Variants in DSE observed in about 807,000 individuals in gnomAD.
DSE encodes dermatan sulfate epimerase, also known as dermatan-sulfate epimerase.
DSE carries 36 observed loss-of-function variants against 84.4 expected under a neutral mutation model. The ratio of observed to expected loss-of-function variants is 0.43; its 90% confidence interval spans 0.33 to 0.56. The LOEUF (loss-of-function observed/expected upper bound fraction) is 0.56, where lower values mean the gene tolerates loss of function less well. Among genes scored for constraint, DSE ranks in the 20% least tolerant of loss-of-function variants. The pLI is 0.06. For synonymous variants in DSE, 410 were observed against 430.1 expected (o/e 0.95, Z 0.58); for missense variants, 862 against 1,169.6 (o/e 0.74, Z 3.84).
intron 2 of DSE, among the ~76,000 whole-genome samples, chr6:116,347,199 G>T (rs1778028924): frequency 6.6e-6 from 1 of 152,078 alleles, no homozygotes; most frequent in African/African-American, 2.4e-5. Flanking sequence ...ACTGTCCAAG[G>T]TAATTTATAG....
chr6:116,435,128 C>T (rs1784066904), intron 5 of DSE, among the ~76,000 whole-genome samples: 1 of 152,108 alleles, frequency 6.6e-6, no homozygotes, highest in Non-Finnish European at 1.5e-5. Context: ...AGGGAGAACT[C>T]TTTTCAATAC....
chr6:116,258,077 G>A (rs1019254387), intron 1 of DSE, among the ~76,000 whole-genome samples: 7 of 152,212 alleles, frequency 4.6e-5, no homozygotes, highest in African/African-American at 1.7e-4. Flanking sequence ...GGAGTGCAGT[G>A]GCAAGATCTT....
intron 2 of DSE, among the ~76,000 whole-genome samples, chr6:116,350,555 A>G (rs1778245771): frequency 1.3e-5 from 2 of 152,292 alleles, no homozygotes; most frequent in East Asian, 1.9e-4. Flanking sequence ...GACCATCATT[A>G]CCCCATTAAT....
In DSE at chr6:116,348,285, G is replaced by A. The variant is rs145560119; in HGVS notation, c.-53-50913G>A. 3.6e-3 allele frequency among the ~76,000 whole-genome samples: 551 copies of A among 152,290 alleles called. 7 individuals carry two copies. Among genetic ancestry groups the A allele is most frequent in the African/African-American group, 0.012 (511 of 41,564 alleles). ...TACTAAAAATTAAAAAAATTAGCCA[G>A]GCATGGTGGCTGGCGCCTGTAGTCC... On this transcript the variant is annotated intron_variant, in intron 2 of 3. Coordinates refer to the DSE transcript ENST00000430252.
At chr6:116,372,925 T>A (rs1779692553) in intron 1 of DSE, among the ~76,000 whole-genome samples, 1 of 152,180 alleles carries the variant, frequency 6.6e-6, no homozygotes, top group Admixed American at 6.5e-5. Context: ...GGAAGAGTTA[T>A]TTTTCATTGA....
intron 2 of DSE, among the ~76,000 whole-genome samples, chr6:116,263,239 G>A (rs1304554766): frequency 6.6e-6 from 1 of 152,172 alleles, no homozygotes; most frequent in East Asian, 1.9e-4. Context: ...ATGTGTAGGA[G>A]TCTACGTCTC....
In DSE at chr6:116,279,162, C is replaced by A. The variant is rs771047555; in HGVS notation, c.-54+20195C>A. ...GAGGGTCCATGCGGAGAGCCTCATG[C>A]AAAGGCCAGGGCCCTTCTTCCTCCC... On this transcript the variant is annotated intron_variant, in intron 2 of 3. Transcript: ENST00000430252. 3 of 1,613,668 alleles carry A rather than the reference C, an allele frequency of 1.9e-6. No homozygotes were observed. The East Asian group carries it at 6.7e-5, about 36-fold the overall frequency.
rs549483464 is a variant in DSE, at chr6:116,414,323, A to G, written c.417-12251A>G. 3.3e-5 allele frequency among the ~76,000 whole-genome samples: 5 copies of G among 151,770 alleles called. No homozygotes were observed. The East Asian group carries it at 9.7e-4, about 29-fold the overall frequency. On this transcript the variant is annotated intron_variant, in intron 2 of 5. Coordinates refer to ENST00000644252, the MANE Select transcript of DSE (RefSeq NM_013352.4). ...CTTGCAAATGCATCATCTCTCTCTC[A>G]CTCTGACACAGATAAGTTATTTCAT...
intron 2 of DSE, among the ~76,000 whole-genome samples, chr6:116,282,981 A>C (rs139487620): frequency 2.6e-4 from 40 of 152,338 alleles, no homozygotes; most frequent in African/African-American, 8.9e-4. Flanking sequence ...TACTTATTAT[A>C]GTAGGACTAT....
intron 2 of DSE, among the ~76,000 whole-genome samples, chr6:116,327,562 C>G (rs1363033916): frequency 6.6e-6 from 1 of 152,112 alleles, no homozygotes; most frequent in African/African-American, 2.4e-5. Flanking sequence ...CTGAAAGAAC[C>G]ACAGCTGGAG....
intron 2 of DSE, among the ~76,000 whole-genome samples, chr6:116,268,944 G>A (rs1772752694): frequency 6.6e-6 from 1 of 151,390 alleles, no homozygotes. Context: ...ATTTTATTTA[G>A]GCTATCACTG....
intron 2 of DSE, among the ~76,000 whole-genome samples, chr6:116,283,026 A>G (rs1343234562): frequency 6.6e-6 from 1 of 152,214 alleles, no homozygotes; most frequent in African/African-American, 2.4e-5. Context: ...TTTTGTATCT[A>G]AAAAGGCTTA....
chr6:116,255,083 T>C (rs569486276), intron 1 of DSE: 1 of 152,362 alleles, frequency 6.6e-6, no homozygotes, highest in Non-Finnish European at 1.5e-5. Context: ...TATATTAGTT[T>C]GTTGGAGTGT....
chr6:116,401,015 A>C (rs1781557894), intron 2 of DSE: 1 of 152,154 alleles, frequency 6.6e-6, no homozygotes, highest in Non-Finnish European at 1.5e-5. Context: ...ATTTTGGCAA[A>C]TTAAGAAATT....
intron 1 of DSE, among the ~76,000 whole-genome samples, chr6:116,382,975 A>G (rs1470373097): frequency 6.6e-6 from 1 of 152,224 alleles, no homozygotes; most frequent in Non-Finnish European, 1.5e-5. Context: ...ACCTAGAGTC[A>G]TTTAGAGAAC....
intron 2 of DSE, chr6:116,412,789 T>C (rs1782466670): frequency 6.6e-6 from 1 of 152,094 alleles, no homozygotes; most frequent in South Asian, 2.1e-4. Flanking sequence ...ATTCAATTTA[T>C]CCTGACACCC....
chr6:116,371,702 C>T (rs1779592333), intron 1 of DSE, among the ~76,000 whole-genome samples: 1 of 152,220 alleles, frequency 6.6e-6, no homozygotes, highest in African/African-American at 2.4e-5. Flanking sequence ...TCCGCCGGCA[C>T]TCGGAGAAAT....
At chr6:116,384,480 G>C (rs1178742705) in intron 1 of DSE, among the ~76,000 whole-genome samples, 2 of 152,160 alleles carry the variant, frequency 1.3e-5, no homozygotes, top group Non-Finnish European at 2.9e-5. Flanking sequence ...TGGACTTAGT[G>C]GGAGCTTTGT....
At chr6:116,430,473 G>A (rs544511012) in intron 3 of DSE, among the ~76,000 whole-genome samples, 2 of 152,054 alleles carry the variant, frequency 1.3e-5, no homozygotes, top group African/African-American at 4.8e-5. Flanking sequence ...TCTTACATGT[G>A]ATACAGTTTA....
Sources: gnomAD v4.1 joint callset for allele counts (sites outside exome capture counted in the v4.1 genomes callset) on GRCh38, gnomAD v4.1.1 for gene constraint, MANE v1.5 for transcripts, NCBI Gene and HGNC (gene_info 2026-07-23, HGNC 2026-07-21) for gene names.